Variants in RPTOR observed in about 807,000 individuals in gnomAD.
RPTOR encodes regulatory associated protein of MTOR complex 1, also known as regulatory-associated protein of mTOR.
A neutral mutation model predicts 169.9 loss-of-function variants in RPTOR; 21 were observed. That is an observed-to-expected ratio of 0.12 (90% CI 0.09 to 0.18). RPTOR has a LOEUF of 0.18. RPTOR is among the 10% of genes least tolerant of loss of function. The pLI is 1.00. For missense variants in RPTOR, 1,133 were observed against 1,855.9 expected (o/e 0.61, Z 7.16); for synonymous variants, 732 against 753.2 (o/e 0.97, Z 0.46).
chr17:80,930,715 A>G (rs1438829875), intron 24 of RPTOR, among the ~76,000 whole-genome samples: 1 of 152,268 alleles, frequency 6.6e-6, no homozygotes, highest in Non-Finnish European at 1.5e-5. Flanking sequence ...TGCGTGAAGA[A>G]CACACTTGGT....
intron 1 of RPTOR, among the ~76,000 whole-genome samples, chr17:80,561,015 T>C (rs1223192921): frequency 6.6e-6 from 1 of 152,128 alleles, no homozygotes; most frequent in Non-Finnish European, 1.5e-5. Context: ...GATTTTATCT[T>C]AAGCACAAGT....
chr17:80,730,732 G>T lies in RPTOR; in HGVS notation c.654+26G>T. 2 of 1,600,898 alleles carry T rather than the reference G, an allele frequency of 1.2e-6. No homozygotes were observed. Among genetic ancestry groups the T allele is most frequent in the Non-Finnish European group, 1.7e-6 (2 of 1,171,542 alleles). ...GTGAGCGCTCTGGTGCTTGGAGAGCGGTGCTGGGTTTGGTTTTGTTTTCCC... is the reference window on the plus strand; with the variant it reads ...GTGAGCGCTCTGGTGCTTGGAGAGCTGTGCTGGGTTTGGTTTTGTTTTCCC... On this transcript the variant is annotated intron_variant, in intron 5 of 33. Coordinates refer to ENST00000306801, the MANE Select transcript of RPTOR (RefSeq NM_020761.3). This position sits in a 1 kb window ranked among gnomAD's most constrained non-coding sequence, Gnocchi z 4.2.
At chr17:80,578,079 G>C (rs1017193214) in intron 1 of RPTOR, among the ~76,000 whole-genome samples, 1 of 152,212 alleles carries the variant, frequency 6.6e-6, no homozygotes, top group Non-Finnish European at 1.5e-5. Flanking sequence ...TCTTTAAAAA[G>C]ATTGCACGTT....
At chr17:80,827,131 T>C (rs555089681) in intron 9 of RPTOR, among the ~76,000 whole-genome samples, 1 of 152,304 alleles carries the variant, frequency 6.6e-6, no homozygotes, top group Admixed American at 6.5e-5. Flanking sequence ...TGATTTGTGC[T>C]GAAAGAAGAA....
At chr17:80,558,489 A>G (rs1007681202) in intron 1 of RPTOR, among the ~76,000 whole-genome samples, 1 of 152,190 alleles carries the variant, frequency 6.6e-6, no homozygotes, top group Non-Finnish European at 1.5e-5. Flanking sequence ...TACTTTTTGT[A>G]TTTTAAAATG....
chr17:80,664,137 C>T (rs762767496), intron 3 of RPTOR, among the ~76,000 whole-genome samples: 2 of 152,120 alleles, frequency 1.3e-5, no homozygotes, highest in Admixed American at 6.5e-5. Context: ...AGGGCTCTTA[C>T]GTGCAAACCA....
At chr17:80,614,229 C>T (rs555681655) in intron 1 of RPTOR, among the ~76,000 whole-genome samples, 1 of 152,312 alleles carries the variant, frequency 6.6e-6, no homozygotes, top group East Asian at 1.9e-4. Flanking sequence ...GTGCTCAGGC[C>T]AGCCTGTGGG....
intron 6 of RPTOR, among the ~76,000 whole-genome samples, chr17:80,770,325 C>A (rs1230872596): frequency 6.6e-6 from 1 of 152,200 alleles, no homozygotes; most frequent in Non-Finnish European, 1.5e-5. Context: ...TCAGATCCAA[C>A]AGGAATTTTA....
chr17:80,961,512 G>T (rs1291813220), intron 31 of RPTOR, 32 bp downstream of exon 31: 2 of 1,539,226 alleles, frequency 1.3e-6, no homozygotes, highest in East Asian at 4.9e-5. Flanking sequence ...CAGCCGTTCT[G>T]CTGTAAAAAC....
At chr17:80,825,771 G>T (rs1167147967) in intron 9 of RPTOR, among the ~76,000 whole-genome samples, 2 of 152,232 alleles carry the variant, frequency 1.3e-5, no homozygotes, top group Admixed American at 1.3e-4. Flanking sequence ...TGTGTCAGAG[G>T]CTCCGCTTGG....
intron 7 of RPTOR, among the ~76,000 whole-genome samples, chr17:80,795,943 C>A (rs1339582607): frequency 6.6e-6 from 1 of 152,238 alleles, no homozygotes; most frequent in Non-Finnish European, 1.5e-5. Context: ...CTCCACATTC[C>A]TGTAGTTCTG....
chr17:80,899,475 G>A (rs1237001811), intron 20 of RPTOR, among the ~76,000 whole-genome samples: 1 of 150,744 alleles, frequency 6.6e-6, no homozygotes, highest in African/African-American at 2.5e-5. Flanking sequence ...ATTTCCCCTG[G>A]CCCCGGCCAC....
chr17:80,858,246 G>A (rs2067877754), intron 13 of RPTOR: 1 of 288,896 alleles, frequency 3.5e-6, no homozygotes, highest in African/African-American at 2.2e-5. Context: ...GACCCTGACT[G>A]GAAGCAACCC....
chr17:80,955,420 A>G (rs2069235641), intron 28 of RPTOR, among the ~76,000 whole-genome samples: 1 of 152,236 alleles, frequency 6.6e-6, no homozygotes, highest in Non-Finnish European at 1.5e-5. Context: ...CATGCACAAA[A>G]CACATCACAG....
chr17:80,611,673 T>C (rs2065271868), intron 1 of RPTOR, among the ~76,000 whole-genome samples: 1 of 152,038 alleles, frequency 6.6e-6, no homozygotes, highest in Non-Finnish European at 1.5e-5. Context: ...CCTAAGAAAA[T>C]TGACCATACT....
At chr17:80,836,450 G>A (rs1025861988) in intron 9 of RPTOR, among the ~76,000 whole-genome samples, 10 of 152,190 alleles carry the variant, frequency 6.6e-5, no homozygotes, top group Non-Finnish European at 1.5e-4. Flanking sequence ...GTGGCTCTGC[G>A]GCCTTGGGCG....
At chr17:80,784,503 T>C (rs1038433910) in intron 6 of RPTOR, among the ~76,000 whole-genome samples, 10 of 152,088 alleles carry the variant, frequency 6.6e-5, no homozygotes, top group African/African-American at 2.4e-4. Context: ...GCAATTCTCC[T>C]GCCTCAGCCT....
At chr17:80,877,388 C>T (rs764402792) in intron 13 of RPTOR, among the ~76,000 whole-genome samples, 25 of 152,302 alleles carry the variant, frequency 1.6e-4, no homozygotes, top group Non-Finnish European at 3.4e-4. Flanking sequence ...CATCATCATC[C>T]GTGGTTCCCA....
At position 80,837,912 on chromosome 17, in the gene RPTOR, C is replaced by T; in HGVS notation, c.1137-10C>T. On this transcript the variant is annotated splice_polypyrimidine_tract_variant and intron_variant, in intron 9 of 33. Coordinates refer to ENST00000306801, the MANE Select transcript of RPTOR (RefSeq NM_020761.3). The stretch of plus-strand genomic sequence containing the variant: ...TAATGCTCAGTGGATTTCCTCTGTT[C>T]TCTCCGCAGGCAAGCCTGGGACCTG... 6.2e-7 allele frequency: 1 copy of T among 1,608,850 alleles called. No homozygotes were observed. The highest frequency in any genetic ancestry group is 8.5e-7 in the Non-Finnish European group (1 of 1,177,168).
Sources: allele counts gnomAD v4.1 joint callset (sites outside exome capture counted in the v4.1 genomes callset), GRCh38; gene constraint gnomAD v4.1.1; non-coding constraint Gnocchi (gnomAD v3.1); transcripts MANE v1.5; gene names NCBI Gene and HGNC (gene_info 2026-07-23, HGNC 2026-07-21).